AK3: variants seen among roughly 807,000 people sequenced by gnomAD.
The protein encoded by AK3 is adenylate kinase 3.
Under a neutral mutation model 23.7 loss-of-function variants are expected in AK3, and 27 were observed. The observed-to-expected ratio is 1.14, with a 90% confidence interval of 0.84 to 1.57. AK3 has a LOEUF of 1.57. AK3 is among the 40% of genes most tolerant of loss of function. AK3 has a pLI of 0.00. For synonymous variants in AK3, 159 were observed against 116.0 expected (o/e 1.37, Z -2.38); for missense variants, 406 against 285.6 (o/e 1.42, Z -3.04).
intron 1 of AK3, among the ~76,000 whole-genome samples, chr9:4,730,137 G>C (rs1842119850): frequency 1.3e-5 from 2 of 152,182 alleles, no homozygotes; most frequent in African/African-American, 4.8e-5. Context: ...AATCTAAAGA[G>C]ATGGAAAGAA....
intron 1 of AK3, among the ~76,000 whole-genome samples, chr9:4,725,315 C>A (rs1476908186): frequency 1.3e-5 from 2 of 151,752 alleles, no homozygotes; most frequent in Non-Finnish European, 2.9e-5. Context: ...CTGCGTCCAG[C>A]CTAAAAACTC....
chr9:4,728,663 C>A (rs1842073030), intron 1 of AK3, among the ~76,000 whole-genome samples: 1 of 151,638 alleles, frequency 6.6e-6, no homozygotes, highest in South Asian at 2.1e-4. Flanking sequence ...ATGGTGTAGC[C>A]AATTTGTAAA....
chr9:4,734,140 T>C (rs1157386481), intron 1 of AK3, among the ~76,000 whole-genome samples: 2 of 152,144 alleles, frequency 1.3e-5, no homozygotes, highest in African/African-American at 4.8e-5. Context: ...ACTAATCCAA[T>C]AAGCCTGGTG....
rs1223862972 is a variant in AK3, at chr9:4,713,081, C to T, written c.579G>A (p.Leu193=). 1.4e-5 allele frequency: 22 copies of T among 1,613,424 alleles called. No homozygotes were observed. The highest frequency in any genetic ancestry group is 1.7e-5 in the Non-Finnish European group (20 of 1,179,704). The change falls in exon 5 of 5, where the codon CTG becomes CTA. Residue 193 remains leucine (L), a synonymous_variant. Transcript: ENST00000381809. ...VLEYYQKKGV[L]ETFSGTETNK... Reference sequence around the variant, plus strand: ...TGGTTTCTGTTCCGGAGAATGTTTCCAGCACCCCTTTTTTCCTAAAGATGA... The same window carrying T: ...TGGTTTCTGTTCCGGAGAATGTTTCTAGCACCCCTTTTTTCCTAAAGATGA...
intron 1 of AK3, among the ~76,000 whole-genome samples, chr9:4,725,018 ACT>A (rs200970157): frequency 0.41 from 57,005 of 139,032 alleles, 12,832 homozygotes; most frequent in East Asian, 0.7. Context: ...AAGCTACTAA[ACT>A]CTTTTTTTTT....
intron 1 of AK3, among the ~76,000 whole-genome samples, chr9:4,727,048 G>A (rs577268209): frequency 3.9e-5 from 6 of 152,162 alleles, no homozygotes; most frequent in Non-Finnish European, 7.4e-5. Context: ...TCTCAACAGT[G>A]GGCTTCAAAT....
intron 1 of AK3, among the ~76,000 whole-genome samples, chr9:4,728,520 G>C (rs187095786): frequency 6.6e-6 from 1 of 152,298 alleles, no homozygotes; most frequent in Admixed American, 6.5e-5. Flanking sequence ...TCAGTGACCT[G>C]AATAGCTGCC....
intron 1 of AK3, among the ~76,000 whole-genome samples, chr9:4,724,372 C>G (rs1041752527): frequency 1.3e-5 from 2 of 152,144 alleles, no homozygotes; most frequent in African/African-American, 4.8e-5. Flanking sequence ...TAAATCCGAA[C>G]CAGCTGCAGC....
Position 4,710,236 on chromosome 9 carries a change from C to G in AK3, c.*2740G>C, listed in dbSNP as rs1198720910. ...CTGGCTTTTTTTTTTGAGACGGAGT[C>G]TCCCTCTGTCGCCCAGGCTGGAGTG... is the stretch of plus-strand genomic sequence containing the variant. On this transcript the variant is annotated 3_prime_UTR_variant, in exon 5 of 5. Coordinates refer to ENST00000381809, the MANE Select transcript of AK3 (RefSeq NM_016282.4). 2.0e-5 allele frequency: 3 copies of G among 152,030 alleles called. No homozygotes were observed. Among genetic ancestry groups the G allele is most frequent in the Admixed American group, 2.0e-4 (3 of 15,262 alleles). 9.4% of individuals were successfully genotyped at this position (152,030 alleles called of 1,614,324 possible).
At chr9:4,738,498 G>C (rs1842348209) in intron 1 of AK3, among the ~76,000 whole-genome samples, 1 of 151,866 alleles carries the variant, frequency 6.6e-6, no homozygotes, top group Admixed American at 6.6e-5. Context: ...TTAATGATGT[G>C]TGAACATGCT....
chr9:4,718,169 A>C (rs889893979), intron 4 of AK3, among the ~76,000 whole-genome samples: 1 of 152,264 alleles, frequency 6.6e-6, no homozygotes, highest in African/African-American at 2.4e-5. Flanking sequence ...AGGAAGCCTA[A>C]GGACAAAGCC....
intron 1 of AK3, among the ~76,000 whole-genome samples, chr9:4,732,683 T>A (rs1056230214): frequency 6.6e-6 from 1 of 152,190 alleles, no homozygotes; most frequent in Non-Finnish European, 1.5e-5. Flanking sequence ...GACATTAGTA[T>A]GAGAAATAAA....
intron 1 of AK3, among the ~76,000 whole-genome samples, chr9:4,727,290 G>A (rs913708496): frequency 6.6e-6 from 1 of 152,178 alleles, no homozygotes; most frequent in African/African-American, 2.4e-5. Context: ...TCCAGCAATG[G>A]AAGTCCTAGA....
upstream of AK3, chr9:4,741,264 G>A (rs964785892): frequency 8.0e-6 from 5 of 621,322 alleles, no homozygotes; most frequent in African/African-American, 9.7e-5. Context: ...GACAGCGCGG[G>A]ACCCCGCTGT....
intron 1 of AK3, among the ~76,000 whole-genome samples, chr9:4,736,502 C>A (rs957833584): frequency 2.0e-5 from 3 of 150,332 alleles, no homozygotes; most frequent in Non-Finnish European, 4.4e-5. Flanking sequence ...TCCGCTTTGC[C>A]ATCAGTATCA....
At chr9:4,713,658 G>C (rs924229932) in intron 4 of AK3, among the ~76,000 whole-genome samples, 3 of 152,060 alleles carry the variant, frequency 2.0e-5, no homozygotes, top group African/African-American at 7.2e-5. Context: ...ACAGAAAGGG[G>C]AATAAAAAGT....
chr9:4,728,530 C>T (rs1189223543), intron 1 of AK3, among the ~76,000 whole-genome samples: 2 of 152,184 alleles, frequency 1.3e-5, no homozygotes, highest in Non-Finnish European at 1.5e-5. Context: ...GAATAGCTGC[C>T]ACTGCACTCC....
chr9:4,728,533 T>C (rs1194903163), intron 1 of AK3, among the ~76,000 whole-genome samples: 2 of 152,176 alleles, frequency 1.3e-5, no homozygotes, highest in South Asian at 2.1e-4. Context: ...TAGCTGCCAC[T>C]GCACTCCAGC....
At chr9:4,728,988 C>T (rs1438585737) in intron 1 of AK3, among the ~76,000 whole-genome samples, 3 of 121,548 alleles carry the variant, frequency 2.5e-5, no homozygotes, top group Admixed American at 8.2e-5. Context: ...CATATATATA[C>T]ACACACACAC....
Sources: allele counts gnomAD v4.1 joint callset (sites outside exome capture counted in the v4.1 genomes callset), GRCh38; gene constraint gnomAD v4.1.1; transcripts MANE v1.5; gene names NCBI Gene and HGNC (gene_info 2026-07-23, HGNC 2026-07-21).